The following GPR83 variants were observed in gnomAD, a reference collection of about 807,000 sequenced individuals.
GPR83 encodes the protein G-protein coupled receptor 72.
GPR83 carries 23 observed loss-of-function variants against 28.0 expected under a neutral mutation model. The ratio of observed to expected loss-of-function variants is 0.82; its 90% CI spans 0.59 to 1.16. The LOEUF is 1.16. Ranked by LOEUF, GPR83 falls within the 50% of genes most tolerant of loss-of-function variation. GPR83 has a pLI of 0.00. For missense variants in GPR83, 610 were observed against 536.6 expected (o/e 1.14, Z -1.35); for synonymous variants, 234 against 215.4 (o/e 1.09, Z -0.76).
chr11:94,387,988 G>A (rs1426518770), intron 3 of GPR83, among the ~76,000 whole-genome samples: 1 of 152,192 alleles, frequency 6.6e-6, no homozygotes, highest in Non-Finnish European at 1.5e-5. Context: ...GATCAAGTGG[G>A]CTTCATCCCT....
chr11:94,398,663 T>A (rs1944886967), intron 1 of GPR83, among the ~76,000 whole-genome samples: 1 of 152,202 alleles, frequency 6.6e-6, no homozygotes, highest in Non-Finnish European at 1.5e-5. Context: ...CTGTCCATCA[T>A]CAGAGCTAGG....
chr11:94,391,291 A>G (rs1944814242), intron 3 of GPR83, among the ~76,000 whole-genome samples: 1 of 152,066 alleles, frequency 6.6e-6, no homozygotes, highest in Non-Finnish European at 1.5e-5. Context: ...CTGAAACTGG[A>G]CCCCCTCTTT....
At position 94,380,671 on chromosome 11, in the gene GPR83, C is replaced by A; in HGVS notation, c.750G>T (p.Leu250=). The change falls in exon 4 of 4, where the codon CTG becomes CTT. Residue 250 remains leucine, a synonymous_variant. Coordinates refer to ENST00000243673, the MANE Select transcript of GPR83 (RefSeq NM_016540.4). The stretch of plus-strand genomic sequence containing the variant: ...AGGCCACAGAGATGATGAGGAGGGG[C>A]AGGATGTAGAGCAGGATGAAGGTGG... ...DLATFILLYI[L]PLLIISVAYA... is the part of the protein sequence containing the mutation. 6.2e-7 allele frequency: 1 copy of A among 1,613,740 alleles called. No homozygotes were observed. Among genetic ancestry groups the A allele is most frequent in the Middle Eastern group, 1.7e-4 (1 of 5,902 alleles).
At chr11:94,393,377 A>T in intron 3 of GPR83, 108 bp downstream of exon 3, 1 of 928,876 alleles carries the variant, frequency 1.1e-6, no homozygotes, top group Non-Finnish European at 1.7e-6. Flanking sequence ...GACAGGTACT[A>T]GTTACTCAGA....
chr11:94,389,884 G>A (rs1041138816), intron 3 of GPR83, among the ~76,000 whole-genome samples: 10 of 152,080 alleles, frequency 6.6e-5, no homozygotes, highest in Non-Finnish European at 1.2e-4. Context: ...TGATTATTGC[G>A]GCACTATTCA....
Position 94,380,374 on chromosome 11 carries a change from G to T in GPR83, c.1047C>A (p.Asn349Lys). The T allele has an allele frequency of 6.2e-7, 1 of 1,614,070 alleles. No homozygotes were observed. The highest frequency in any genetic ancestry group is 8.5e-7 in the Non-Finnish European group (1 of 1,179,970). Reference protein sequence around the residue: ...CYNPFIYCWLNENFRIELKAL... With the variant: ...CYNPFIYCWLKENFRIELKAL... Reference sequence around the variant, plus strand: ...CCTTTAGCTCAATCCTGAAGTTCTCGTTCAGCCAGCAGTATATGAAGGGGT... The same window carrying T: ...CCTTTAGCTCAATCCTGAAGTTCTCTTTCAGCCAGCAGTATATGAAGGGGT... Residue 349 changes from asparagine (N) to lysine (K), a missense_variant, in exon 4 of 4, where the codon AAC (asparagine) becomes AAA (lysine). Physicochemically the swap from Asn to Lys is moderately conservative, Grantham distance 94. Transcript: ENST00000243673.
chr11:94,388,521 C>T (rs1350153362), intron 3 of GPR83, among the ~76,000 whole-genome samples: 1 of 152,104 alleles, frequency 6.6e-6, no homozygotes, highest in African/African-American at 2.4e-5. Flanking sequence ...CATTCTTATA[C>T]ACCAATAACA....
rs1446110288 is a variant in GPR83 at position 94,391,401 on chromosome 11, T to C, written c.647+2084A>G. On this transcript the variant is annotated intron_variant, in intron 3 of 3. Coordinates refer to ENST00000243673, the MANE Select transcript of GPR83 (RefSeq NM_016540.4). ...GAAAGCCTGGATACCATTCAGGACG[T>C]AGGCATGGGCAAAGACTTCATGTCT... Among the ~76,000 whole-genome samples, 7 of 152,192 alleles carry C rather than the reference T, an allele frequency of 4.6e-5. No homozygotes were observed. The East Asian group carries it at 1.2e-3, about 25-fold the overall frequency.
intron 3 of GPR83, among the ~76,000 whole-genome samples, chr11:94,389,167 A>AT (rs1414152153): frequency 6.6e-6 from 1 of 152,212 alleles, no homozygotes; most frequent in Non-Finnish European, 1.5e-5. Flanking sequence ...TTACACAAAA[A>AT]TTAATTCAAG....
chr11:94,390,365 CA>C (rs2134691083), intron 3 of GPR83, among the ~76,000 whole-genome samples: 1 of 151,784 alleles, frequency 6.6e-6, no homozygotes, highest in African/African-American at 2.4e-5. Flanking sequence ...TAGCCAATAT[CA>C]TAATGAGTGA....
intron 3 of GPR83, among the ~76,000 whole-genome samples, chr11:94,391,738 G>T (rs188009422): frequency 3.1e-4 from 47 of 152,236 alleles, no homozygotes; most frequent in Non-Finnish European, 5.7e-4. Context: ...GTCATCACTC[G>T]TCATCAGAGA....
In GPR83 at chr11:94,380,774, C is replaced by T. The variant is rs1944679427; in HGVS notation, c.648-1G>A. On this transcript the variant is annotated splice_acceptor_variant, in intron 3 of 3. Transcript: ENST00000243673. LOFTEE classifies it high-confidence loss of function. ...GCAGAGGGAGCGCACAATGTCCTCA[C>T]TGGGGGCAGGAAGTGGGGAGGGGGA... 3 of 1,602,910 alleles carry T rather than the reference C, an allele frequency of 1.9e-6. No homozygotes were observed. Among genetic ancestry groups the T allele is most frequent in the African/African-American group, 1.3e-5 (1 of 74,648 alleles).
chr11:94,393,433 G>C (rs1944836585), intron 3 of GPR83, 52 bp downstream of exon 3: 1 of 1,586,078 alleles, frequency 6.3e-7, no homozygotes, highest in Admixed American at 1.7e-5. Context: ...GGTGGAGCCT[G>C]ACTCAGGAGA....
rs1350232516 is a variant in GPR83, at chr11:94,400,963, G to A, written c.285C>T (p.Val95=). The A allele has an allele frequency of 6.2e-7, 1 of 1,614,072 alleles. No homozygotes were observed. Among genetic ancestry groups the A allele is most frequent in the Non-Finnish European group, 8.5e-7 (1 of 1,179,910 alleles). ...SLFGNVLVCH[V]IFKNQRMHSA... is the part of the protein sequence containing the mutation. Reference sequence around the variant, plus strand: ...AGTGCATTCGCTGGTTCTTGAAGATGACATGACAGACCAGGACGTTGCCAA... The same window carrying A: ...AGTGCATTCGCTGGTTCTTGAAGATAACATGACAGACCAGGACGTTGCCAA... Residue 95 remains valine, a synonymous_variant, in exon 1 of 4, where the codon GTC becomes GTT. Coordinates refer to ENST00000243673, the MANE Select transcript of GPR83 (RefSeq NM_016540.4).
intron 2 of GPR83, among the ~76,000 whole-genome samples, chr11:94,394,865 A>C (rs1425422408): frequency 4.6e-5 from 7 of 152,216 alleles, no homozygotes; most frequent in Non-Finnish European, 1.5e-5. Context: ...CATGGTCAAC[A>C]TGAGCAAGGC....
In GPR83 at chr11:94,377,721, T is replaced by G. The variant is rs1411313196; in HGVS notation, c.*2428A>C. The G allele has an allele frequency of 6.6e-6, 1 of 152,222 alleles. No homozygotes were observed. The highest frequency in any genetic ancestry group is 1.5e-5 in the Non-Finnish European group (1 of 68,050). The allele number at this position is 152,222 out of a possible 1,614,324, so 9.4% of individuals were successfully genotyped here. A position where few individuals can be genotyped will look rare whatever the true frequency, so the allele number is the denominator to read the frequency against. On this transcript the variant is annotated 3_prime_UTR_variant, in exon 4 of 4. Coordinates refer to ENST00000243673, the MANE Select transcript of GPR83 (RefSeq NM_016540.4). ...ACTTCATTAGAAGATAGGCTTTGTG[T>G]TAAATGATTTTTCCCAGCTGTAGGC...
At chr11:94,385,213 AAG>A (rs1191789390) in intron 3 of GPR83, among the ~76,000 whole-genome samples, 1 of 152,188 alleles carries the variant, frequency 6.6e-6, no homozygotes, top group Non-Finnish European at 1.5e-5. Flanking sequence ...ACCATCATCA[AAG>A]ACCAAAGATA....
rs543076194 is a variant in GPR83 at position 94,401,184 on chromosome 11, C to T, written c.64G>A (p.Gly22Ser). The stretch of plus-strand genomic sequence containing the variant: ...TCCGCGCTCTGCTCGTCGGCCCGGC[C>T]CTCGTGGGGCTCGGTGGCTCGCACC... ...PLVRATEPHE[G>S]RADEQSAEAA... Residue 22 changes from glycine to serine, a missense_variant, in exon 1 of 4, where the codon GGC becomes AGC. Gly to Ser is a moderately conservative substitution (Grantham distance 56). Coordinates refer to ENST00000243673, the MANE Select transcript of GPR83 (RefSeq NM_016540.4). 1.2e-6 allele frequency: 2 copies of T among 1,613,546 alleles called. No homozygotes were observed. The highest frequency in any genetic ancestry group is 2.2e-5 in the East Asian group (1 of 44,840).
intron 3 of GPR83, among the ~76,000 whole-genome samples, chr11:94,389,995 AAAT>A (rs904398456): frequency 6.6e-6 from 1 of 152,216 alleles, no homozygotes; most frequent in African/African-American, 2.4e-5. Flanking sequence ...CAGCCATAAA[AAAT>A]AATGAGTTCA....
Sources: gnomAD v4.1 joint callset for allele counts (sites outside exome capture counted in the v4.1 genomes callset) on GRCh38, gnomAD v4.1.1 for gene constraint, MANE v1.5 for transcripts, NCBI Gene and HGNC (gene_info 2026-07-23, HGNC 2026-07-21) for gene names.